Variants in EFL1 observed in about 807,000 individuals in gnomAD.
EFL1 encodes elongation factor like GTPase 1, also known as elongation factor-like GTPase 1.
Under a neutral mutation model 126.7 loss-of-function variants are expected in EFL1, and 76 were observed. The ratio of observed to expected loss-of-function variants is 0.60; its 90% confidence interval spans 0.50 to 0.73. The LOEUF (loss-of-function observed/expected upper bound fraction) is 0.73. Among genes scored for constraint, EFL1 ranks in the 30% least tolerant of loss-of-function variants. The pLI is 0.00. For synonymous variants in EFL1, 410 were observed against 448.4 expected (o/e 0.91, Z 1.08); for missense variants, 1,128 against 1,343.2 (o/e 0.84, Z 2.50).
At chr15:82,131,977 G>A (rs1228533296) in intron 19 of EFL1, among the ~76,000 whole-genome samples, 1 of 152,130 alleles carries the variant, frequency 6.6e-6, no homozygotes, top group Non-Finnish European at 1.5e-5. Context: ...TCTAACAGGA[G>A]TTCTAAAACC....
In EFL1 at chr15:82,217,563, A is replaced by G. The variant is rs576265297; in HGVS notation, c.1611+2089T>C. Among the ~76,000 whole-genome samples the G allele has an allele frequency of 3.3e-5, 5 of 152,230 alleles. No homozygotes were observed. The South Asian group carries it at 6.2e-4, about 19-fold the overall frequency. ...AAAGGCAGGTTGTAGAATAACTACAATGAAATTCCATTTATACAAAGTTTC... is the reference window on the plus strand; with the variant it reads ...AAAGGCAGGTTGTAGAATAACTACAGTGAAATTCCATTTATACAAAGTTTC... On this transcript the variant is annotated intron_variant, in intron 14 of 19. Coordinates refer to ENST00000268206, the MANE Select transcript of EFL1 (RefSeq NM_024580.6).
intron 15 of EFL1, among the ~76,000 whole-genome samples, chr15:82,178,463 A>G (rs1198317605): frequency 6.6e-6 from 1 of 152,150 alleles, no homozygotes; most frequent in East Asian, 1.9e-4. Flanking sequence ...AGTAGTGGAA[A>G]TGCTCCTTCC....
intron 15 of EFL1, among the ~76,000 whole-genome samples, chr15:82,190,629 T>C (rs982899146): frequency 2.6e-5 from 4 of 152,328 alleles, no homozygotes; most frequent in Admixed American, 2.0e-4. Flanking sequence ...TTTGCCATGT[T>C]AGTGATCCAA....
At chr15:82,194,550 A>T (rs1229993629) in intron 15 of EFL1, among the ~76,000 whole-genome samples, 1 of 152,218 alleles carries the variant, frequency 6.6e-6, no homozygotes, top group Non-Finnish European at 1.5e-5. Context: ...TCAAAAATGC[A>T]CTTACAGAAT....
intron 4 of EFL1, among the ~76,000 whole-genome samples, chr15:82,247,593 C>T (rs191195321): frequency 2.0e-5 from 3 of 152,042 alleles, no homozygotes; most frequent in East Asian, 3.9e-4. Flanking sequence ...CCCAGAGATA[C>T]GTGGAACATG....
rs1288194345 is a variant in EFL1, at chr15:82,230,945, CTG to C, written c.756_757del (p.Tyr252Ter). ...TTCCTTTTTGATGCCAATTTTTTGA[CTG>C]TAGATTCTGGCGAAGTGCTCAATTC... is the stretch of plus-strand genomic sequence containing the variant. On this transcript the variant is annotated stop_gained and frameshift_variant, in exon 8 of 20. Coordinates refer to ENST00000268206, the MANE Select transcript of EFL1 (RefSeq NM_024580.6). LOFTEE classifies it high-confidence loss of function. 1 of 1,612,914 alleles carries C rather than the reference CTG, an allele frequency of 6.2e-7. No homozygotes were observed. The highest frequency in any genetic ancestry group is 8.5e-7 in the Non-Finnish European group (1 of 1,179,524).
chr15:82,131,037 A>C (rs2073637050), intron 19 of EFL1, among the ~76,000 whole-genome samples: 1 of 152,154 alleles, frequency 6.6e-6, no homozygotes, highest in African/African-American at 2.4e-5. Context: ...AAAAGTATGA[A>C]GAATCATGGG....
At chr15:82,168,463 T>C (rs1340463007) in intron 15 of EFL1, among the ~76,000 whole-genome samples, 2 of 152,176 alleles carry the variant, frequency 1.3e-5, no homozygotes, top group African/African-American at 4.8e-5. Context: ...CATCACTATG[T>C]CATAAATTTT....
chr15:82,259,234 T>C, intron 2 of EFL1, 79 bp from the exon 3 acceptor site: 1 of 1,286,580 alleles, frequency 7.8e-7, no homozygotes, highest in South Asian at 1.2e-5. Flanking sequence ...ATTTAAAATC[T>C]GGTCATAAGA....
intron 15 of EFL1, among the ~76,000 whole-genome samples, chr15:82,214,319 C>T (rs533074804): frequency 7.9e-5 from 12 of 152,144 alleles, no homozygotes; most frequent in South Asian, 2.1e-4. Context: ...TAAAAGCATG[C>T]GAAAAAAGCA....
intron 10 of EFL1, among the ~76,000 whole-genome samples, 172 bp from the exon 11 acceptor site, chr15:82,227,744 AG>A (rs1283833076): frequency 6.6e-6 from 1 of 152,232 alleles, no homozygotes; most frequent in Non-Finnish European, 1.5e-5. Flanking sequence ...ATACAATTTC[AG>A]GGAGTTCACA....
rs141723469 is a variant in EFL1 at position 82,131,776 on chromosome 15, G to C, written c.3175-1215C>G. 2.2e-3 allele frequency among the ~76,000 whole-genome samples: 340 copies of C among 152,098 alleles called. 1 individual carries two copies. Among genetic ancestry groups the C allele is most frequent in the Non-Finnish European group, 3.1e-3 (210 of 67,996 alleles). ...CATTGCACTCCAGCCTGGGCAACAA[G>C]AGTGAAACTCTGTCTCAAAAGAAAA... On this transcript the variant is annotated intron_variant, in intron 19 of 19. Transcript: ENST00000268206.
chr15:82,228,992 TA>T (rs1372803073), intron 9 of EFL1, 41 bp downstream of exon 9: 1 of 1,510,330 alleles, frequency 6.6e-7, no homozygotes, highest in African/African-American at 1.4e-5. Flanking sequence ...AGACAAATTA[TA>T]CTGCCTAAAG....
At chr15:82,137,462 G>C (rs1051311076) in intron 19 of EFL1, among the ~76,000 whole-genome samples, 1 of 152,018 alleles carries the variant, frequency 6.6e-6, no homozygotes, top group African/African-American at 2.4e-5. Flanking sequence ...TAGACTCAGA[G>C]AACGAACCAC....
chr15:82,228,639 T>C (rs1222829564), intron 9 of EFL1, among the ~76,000 whole-genome samples: 1 of 152,226 alleles, frequency 6.6e-6, no homozygotes, highest in African/African-American at 2.4e-5. Flanking sequence ...AGGAATAACT[T>C]AGAAAGCAAA....
intron 3 of EFL1, among the ~76,000 whole-genome samples, chr15:82,255,523 T>G (rs2075059154): frequency 6.6e-6 from 1 of 152,244 alleles, no homozygotes; most frequent in Non-Finnish European, 1.5e-5. Flanking sequence ...TTTATTAACC[T>G]TTTATAAAAT....
At chr15:82,253,198 C>T (rs1251734724) in intron 3 of EFL1, among the ~76,000 whole-genome samples, 1 of 152,130 alleles carries the variant, frequency 6.6e-6, no homozygotes, top group East Asian at 1.9e-4. Context: ...TGCTAACACA[C>T]CTGGCTAATT....
In EFL1 at chr15:82,151,579, C is replaced by CTGAGAAAGG; in HGVS notation, c.2866_2874dup (p.Pro956_Ser958dup). ...TCTTTCATGGTGGCAATTAGCTGTC[C>CTGAGAAAGG]TGAGAAAGGTCCATAGCAGTCAGTG... On this transcript the variant is annotated inframe_insertion, in exon 18 of 20. Coordinates refer to ENST00000268206, the MANE Select transcript of EFL1 (RefSeq NM_024580.6). 1 of 1,614,146 alleles carries CTGAGAAAGG rather than the reference C, an allele frequency of 6.2e-7. No individual in the cohort carries two copies. Among genetic ancestry groups the CTGAGAAAGG allele is most frequent in the Non-Finnish European group, 8.5e-7 (1 of 1,180,018 alleles).
rs145810363 is a variant in EFL1 at position 82,159,954 on chromosome 15, G to C, written c.1883-2094C>G. ...GACCTTGGAATGGCTATATCACAAAGTGTTCAGGCAAGACCTTCAAAAAGA... is the reference window on the plus strand; with the variant it reads ...GACCTTGGAATGGCTATATCACAAACTGTTCAGGCAAGACCTTCAAAAAGA... On this transcript the variant is annotated intron_variant, in intron 16 of 19. Transcript: ENST00000268206. 27 of 152,302 alleles carry C rather than the reference G, an allele frequency of 1.8e-4. 1 individual carries two copies. In the East Asian group the frequency reaches 2.7e-3, roughly 15 times the overall value. The allele number at this position is 152,302 out of a possible 1,614,324, so 9.4% of individuals were successfully genotyped here. A position where few individuals can be genotyped will look rare whatever the true frequency, so the allele number is the denominator to read the frequency against.
Sources: allele counts gnomAD v4.1 joint callset (sites outside exome capture counted in the v4.1 genomes callset), GRCh38; gene constraint gnomAD v4.1.1; transcripts MANE v1.5; gene names NCBI Gene and HGNC (gene_info 2026-07-23, HGNC 2026-07-21).